The following TMEM130 variants were observed in gnomAD, a reference collection of about 807,000 sequenced individuals.
TMEM130 encodes transmembrane protein 130.
Under a neutral mutation model 42.9 loss-of-function variants are expected in TMEM130, and 37 were observed. That is an observed-to-expected ratio of 0.86 (90% CI 0.66 to 1.13). TMEM130 has a LOEUF of 1.13. Among genes scored for constraint, TMEM130 ranks in the 50% most tolerant of loss-of-function variants. TMEM130 has a pLI of 0.00. For synonymous variants in TMEM130, 259 were observed against 237.7 expected (o/e 1.09, Z -0.82); for missense variants, 545 against 562.6 (o/e 0.97, Z 0.32).
intron 3 of TMEM130, among the ~76,000 whole-genome samples, chr7:98,856,946 G>C (rs772426832): frequency 4.0e-5 from 6 of 151,064 alleles, no homozygotes; most frequent in Non-Finnish European, 5.9e-5. Context: ...TTAGAGATAA[G>C]GTTCTGCTCT....
Position 98,869,657 on chromosome 7 carries a change from G to A in TMEM130, c.85+120C>T. The A allele has an allele frequency of 1.3e-6, 1 of 745,158 alleles. No homozygotes were observed. The highest frequency in any genetic ancestry group is 1.9e-6 in the Non-Finnish European group (1 of 521,658). The allele number at this position is 745,158 out of a possible 1,614,324, so 46.2% of individuals were successfully genotyped here. The stretch of plus-strand genomic sequence containing the variant: ...TGGCCTCAGCCGAGGAGGGAGATGC[G>A]CGCAGGGCGCACGGTGCCACCTCCG... On this transcript the variant is annotated intron_variant, in intron 1 of 7. Transcript: ENST00000339375. This position sits in a 1 kb window ranked among gnomAD's most constrained non-coding sequence, Gnocchi z 4.7.
intron 2 of TMEM130, among the ~76,000 whole-genome samples, chr7:98,862,790 G>A (rs1424653078): frequency 6.6e-6 from 1 of 152,130 alleles, no homozygotes; most frequent in Non-Finnish European, 1.5e-5. Flanking sequence ...GTGAGCCACC[G>A]CGCCCAGCTG....
chr7:98,852,240 G>A (rs1205556300), intron 5 of TMEM130, among the ~76,000 whole-genome samples: 2 of 151,294 alleles, frequency 1.3e-5, no homozygotes, highest in African/African-American at 4.9e-5. Flanking sequence ...TCCCGGGTTC[G>A]AGCCTCAGCC....
intron 5 of TMEM130, 26 bp downstream of exon 5, chr7:98,855,214 C>T (rs1554398762): frequency 7.5e-6 from 12 of 1,604,172 alleles, no homozygotes; most frequent in Non-Finnish European, 1.0e-5. Flanking sequence ...ACGGGGCACC[C>T]CCAGTGCGCT....
chr7:98,856,315 A>G, intron 3 of TMEM130, 132 bp from the exon 4 acceptor site: 4 of 859,268 alleles, frequency 4.7e-6, no homozygotes, highest in Admixed American at 5.1e-5. Context: ...GCTACCAGTG[A>G]GCACACCTGT....
At chr7:98,867,318 C>A (rs531597157) in intron 1 of TMEM130, among the ~76,000 whole-genome samples, 1 of 152,180 alleles carries the variant, frequency 6.6e-6, no homozygotes, top group South Asian at 2.1e-4. Flanking sequence ...TGAGGCCACC[C>A]AACCAGTCTG....
intron 6 of TMEM130, among the ~76,000 whole-genome samples, chr7:98,849,903 G>T (rs1181979348): frequency 1.3e-5 from 2 of 151,848 alleles, no homozygotes; most frequent in Admixed American, 1.3e-4. Context: ...ACTTCTCTGG[G>T]GCTCCCAGAG....
At chr7:98,848,485 A>AC in intron 7 of TMEM130, 98 bp downstream of exon 7, 1 of 929,354 alleles carries the variant, frequency 1.1e-6, no homozygotes, top group East Asian at 2.4e-5. Flanking sequence ...TAATATCAAG[A>AC]CCCCCTCCAG....
At chr7:98,855,132 G>A (rs1794596533) in intron 5 of TMEM130, 108 bp downstream of exon 5, 4 of 888,732 alleles carry the variant, frequency 4.5e-6, no homozygotes. Flanking sequence ...CCTTCCATGA[G>A]GTCCCAGACC....
intron 3 of TMEM130, 91 bp from the exon 4 acceptor site, chr7:98,856,274 A>C: frequency 1.5e-6 from 2 of 1,317,630 alleles, no homozygotes; most frequent in Non-Finnish European, 2.1e-6. Flanking sequence ...GACTTGCCAG[A>C]GTCAGGGGAG....
At chr7:98,857,775 A>G (rs1794669655) in intron 3 of TMEM130, among the ~76,000 whole-genome samples, 1 of 145,172 alleles carries the variant, frequency 6.9e-6, no homozygotes, top group African/African-American at 2.6e-5. Flanking sequence ...CCCAGGCTGA[A>G]GTGCAGTGGC....
Position 98,869,977 on chromosome 7 carries a change from G to T in TMEM130, c.-116C>A. On this transcript the variant is annotated 5_prime_UTR_variant, in exon 1 of 8. Coordinates refer to ENST00000339375, the MANE Select transcript of TMEM130 (RefSeq NM_152913.3). This position sits in a 1 kb window ranked among gnomAD's most constrained non-coding sequence, Gnocchi z 4.7. ...CAGCGCGGGCGGTGCGGGGAGGTGC[G>T]GGCGCCGTGCTCGCTCGTCCTCGCC... The T allele has an allele frequency of 3.1e-6, 2 of 649,504 alleles. No individual in the cohort carries two copies. Among genetic ancestry groups the T allele is most frequent in the Non-Finnish European group, 4.3e-6 (2 of 460,112 alleles). The allele number at this position is 649,504 out of a possible 1,614,324, so 40.2% of individuals were successfully genotyped here. A position where few individuals can be genotyped will look rare whatever the true frequency, so the allele number is the denominator to read the frequency against.
At position 98,853,766 on chromosome 7, in the gene TMEM130, C is replaced by G. The variant is rs551547298; in HGVS notation, c.803+1474G>C. On this transcript the variant is annotated intron_variant, in intron 5 of 7. Transcript: ENST00000339375. The stretch of plus-strand genomic sequence containing the variant: ...TGTGTCTCCTCACCTACTAAACACT[C>G]AGCCTGATGCTGTTCTTGCCAGGAG... Among the ~76,000 whole-genome samples the G allele has an allele frequency of 3.9e-5, 6 of 152,372 alleles. No individual in the cohort carries two copies. In the East Asian group the frequency reaches 1.2e-3, roughly 29 times the overall value.
At chr7:98,866,702 G>C (rs1794917368) in intron 1 of TMEM130, 1 of 152,242 alleles carries the variant, frequency 6.6e-6, no homozygotes, top group Non-Finnish European at 1.5e-5. Context: ...CTGTCCCTGT[G>C]GGGGACTCCA....
intron 5 of TMEM130, among the ~76,000 whole-genome samples, chr7:98,854,347 A>G (rs1198524655): frequency 3.9e-5 from 6 of 152,102 alleles, no homozygotes; most frequent in Non-Finnish European, 1.5e-5. Context: ...TCATACACAG[A>G]GGGCTTCTCA....
At chr7:98,868,329 C>T (rs1794956187) in intron 1 of TMEM130, among the ~76,000 whole-genome samples, 2 of 152,170 alleles carry the variant, frequency 1.3e-5, no homozygotes, top group East Asian at 1.9e-4. Flanking sequence ...AAGGGCCCCC[C>T]AAGTCACCCA....
chr7:98,853,753 C>T (rs781935166), intron 5 of TMEM130, among the ~76,000 whole-genome samples: 9 of 152,240 alleles, frequency 5.9e-5, no homozygotes, highest in Non-Finnish European at 8.8e-5. Flanking sequence ...TGTCTCCTCA[C>T]CTACTAAACA....
At chr7:98,861,243 C>T (rs544068437) in intron 2 of TMEM130, among the ~76,000 whole-genome samples, 2 of 150,578 alleles carry the variant, frequency 1.3e-5, no homozygotes, top group South Asian at 2.1e-4. Context: ...GAGGCTGAGG[C>T]GGGAGAATGG....
intron 3 of TMEM130, among the ~76,000 whole-genome samples, chr7:98,858,213 G>A (rs185681006): frequency 2.3e-4 from 35 of 151,978 alleles, no homozygotes; most frequent in East Asian, 3.9e-4. Flanking sequence ...TTGAATGTTC[G>A]TTTCTGTTCA....
Sources: gnomAD v4.1 joint callset for allele counts (sites outside exome capture counted in the v4.1 genomes callset) on GRCh38, gnomAD v4.1.1 for gene constraint, Gnocchi (gnomAD v3.1) non-coding constraint, MANE v1.5 for transcripts, NCBI Gene and HGNC (gene_info 2026-07-23, HGNC 2026-07-21) for gene names.